RAI14: variants seen among roughly 807,000 people sequenced by gnomAD.
RAI14 encodes ankycorbin.
Under a neutral mutation model 115.4 loss-of-function variants are expected in RAI14, and 45 were observed. The observed-to-expected ratio is 0.39, with a 90% CI of 0.31 to 0.50. RAI14 has a LOEUF of 0.50. Among genes scored for constraint, RAI14 ranks in the 20% least tolerant of loss-of-function variants. The probability of loss-of-function intolerance (pLI) is 0.85; values close to 1 mark genes in which losing one functional copy is unlikely to be tolerated. For missense variants in RAI14, 939 were observed against 1,131.2 expected (o/e 0.83, Z 2.44); for synonymous variants, 371 against 415.4 (o/e 0.89, Z 1.30).
intron 2 of RAI14, among the ~76,000 whole-genome samples, chr5:34,735,211 G>T (rs917881901): frequency 3.3e-5 from 5 of 152,146 alleles, no homozygotes; most frequent in Non-Finnish European, 5.9e-5. Context: ...GAAAAAATGG[G>T]CAGGGTAATT....
chr5:34,745,010 C>T (rs1745985304), intron 2 of RAI14, among the ~76,000 whole-genome samples: 1 of 152,130 alleles, frequency 6.6e-6, no homozygotes, highest in African/African-American at 2.4e-5. Flanking sequence ...GCCTTTGAGT[C>T]TCTCTCTCCT....
At chr5:34,810,551 C>T (rs78725452) in intron 7 of RAI14, among the ~76,000 whole-genome samples, 11,352 of 152,122 alleles carry the variant, frequency 0.075, 596 homozygotes, top group African/African-American at 0.14. Flanking sequence ...CTAAAGGGTA[C>T]ACTTTCGGTA....
chr5:34,730,412 C>T (rs1744026022), intron 2 of RAI14, among the ~76,000 whole-genome samples: 1 of 152,176 alleles, frequency 6.6e-6, no homozygotes, highest in Admixed American at 6.6e-5. Context: ...GATGGTGGCT[C>T]ATGCCTGTAA....
chr5:34,825,500 A>T (rs1213301131), intron 15 of RAI14, among the ~76,000 whole-genome samples: 1 of 152,094 alleles, frequency 6.6e-6, no homozygotes, highest in Non-Finnish European at 1.5e-5. Flanking sequence ...ATACTCCTAG[A>T]CTTAATCCTG....
At chr5:34,734,417 G>T (rs1744598596) in intron 2 of RAI14, among the ~76,000 whole-genome samples, 1 of 152,166 alleles carries the variant, frequency 6.6e-6, no homozygotes, top group Admixed American at 6.5e-5. Context: ...TTCTGAAGGT[G>T]GTAACTTTGT....
chr5:34,764,952 GGGGCAGTTT>G (rs1369190985), intron 3 of RAI14, among the ~76,000 whole-genome samples: 2 of 152,064 alleles, frequency 1.3e-5, no homozygotes, highest in Non-Finnish European at 2.9e-5. Flanking sequence ...TTGAATCCTG[GGGGCAGTTT>G]CCCCCATACT....
At chr5:34,821,275 C>T (rs1446226476) in intron 13 of RAI14, among the ~76,000 whole-genome samples, 1 of 152,050 alleles carries the variant, frequency 6.6e-6, no homozygotes. Flanking sequence ...AAGAGAGAGG[C>T]AGAGATTTGT....
At chr5:34,775,646 C>T (rs768761958) in intron 3 of RAI14, among the ~76,000 whole-genome samples, 8 of 152,072 alleles carry the variant, frequency 5.3e-5, no homozygotes, top group Non-Finnish European at 8.8e-5. Context: ...AACAGGTGTA[C>T]GAAAACATGC....
intron 3 of RAI14, among the ~76,000 whole-genome samples, chr5:34,759,939 C>A (rs377178667): frequency 2.6e-5 from 4 of 152,120 alleles, no homozygotes; most frequent in African/African-American, 7.2e-5. Context: ...AGTCACCTAC[C>A]CTGCTCGTCC....
chr5:34,771,143 T>C (rs1003435149), intron 3 of RAI14, among the ~76,000 whole-genome samples: 8 of 152,200 alleles, frequency 5.3e-5, no homozygotes, highest in Non-Finnish European at 1.0e-4. Context: ...GCAGTGATCT[T>C]TGACACATTT....
At chr5:34,761,301 C>T (rs1306114587) in intron 3 of RAI14, among the ~76,000 whole-genome samples, 1 of 152,206 alleles carries the variant, frequency 6.6e-6, no homozygotes, top group South Asian at 2.1e-4. Context: ...ATCCTCCTGC[C>T]TCAGCCTCTC....
Position 34,824,365 on chromosome 5 carries a change from C to G in RAI14, c.2523C>G (p.Leu841=). Residue 841 remains leucine, a synonymous_variant, in exon 15 of 18, where the codon CTC becomes CTG. Coordinates refer to ENST00000265109, the MANE Select transcript of RAI14 (RefSeq NM_015577.3). ...GAGAAAAGGAAAATATTCAGACTCTCTTGAAATCCAAAGAGCAAGAAGTAA... is the reference window on the plus strand; with the variant it reads ...GAGAAAAGGAAAATATTCAGACTCTGTTGAAATCCAAAGAGCAAGAAGTAA... The part of the protein sequence containing the change: ...VKREKENIQT[L]LKSKEQEVNE... 6.2e-7 allele frequency: 1 copy of G among 1,613,506 alleles called. No individual in the cohort carries two copies. The highest frequency in any genetic ancestry group is 8.5e-7 in the Non-Finnish European group (1 of 1,179,462).
At chr5:34,815,453 C>G (rs773676560) in intron 12 of RAI14, among the ~76,000 whole-genome samples, 1 of 152,000 alleles carries the variant, frequency 6.6e-6, no homozygotes, top group Admixed American at 6.5e-5. Context: ...GTCCCAGCTA[C>G]TCAGGAGGCT....
chr5:34,708,155 A>G (rs903364668), intron 2 of RAI14, among the ~76,000 whole-genome samples: 2 of 152,126 alleles, frequency 1.3e-5, no homozygotes, highest in African/African-American at 2.4e-5. Flanking sequence ...TATACTCTTT[A>G]GAACCACATT....
intron 3 of RAI14, among the ~76,000 whole-genome samples, chr5:34,775,355 A>G (rs1750706838): frequency 6.6e-6 from 1 of 152,186 alleles, no homozygotes; most frequent in South Asian, 2.1e-4. Context: ...TTTGCAAGCT[A>G]CCCATCTGAC....
intron 3 of RAI14, among the ~76,000 whole-genome samples, chr5:34,794,282 G>A (rs1753254002): frequency 6.6e-6 from 1 of 152,064 alleles, no homozygotes; most frequent in Non-Finnish European, 1.5e-5. Context: ...AATCAACTGG[G>A]TGTGGTGGCA....
chr5:34,746,095 C>CT lies in RAI14; in HGVS notation c.37-11373_37-11372insT, dbSNP rs374767705. ...CTCCCCTTATACACCACCCCCTCCC[C>CT]CCCCCGCCTTTTTTTTTTTTGTTTT... On this transcript the variant is annotated intron_variant, in intron 2 of 17. Coordinates refer to ENST00000265109, the MANE Select transcript of RAI14 (RefSeq NM_015577.3). 7.5e-5 allele frequency among the ~76,000 whole-genome samples: 10 copies of CT among 133,716 alleles called. 1 individual carries two copies. The South Asian group carries it at 1.4e-3, about 19-fold the overall frequency. The allele number at this position is 133,716 out of a possible 152,430, so 87.7% of individuals were successfully genotyped here.
At chr5:34,776,813 ACCCACC>A (rs1554056232) in intron 3 of RAI14, among the ~76,000 whole-genome samples, 1 of 147,498 alleles carries the variant, frequency 6.8e-6, no homozygotes, top group Non-Finnish European at 1.5e-5. Context: ...TATTAAAAAA[ACCCACC>A]AAAACTCATG....
intron 2 of RAI14, among the ~76,000 whole-genome samples, chr5:34,696,661 G>C (rs760609017): frequency 6.6e-6 from 1 of 152,190 alleles, no homozygotes; most frequent in Non-Finnish European, 1.5e-5. Context: ...TTTGAGACTT[G>C]GATGATAAAG....
Sources: allele counts gnomAD v4.1 joint callset (sites outside exome capture counted in the v4.1 genomes callset), GRCh38; gene constraint gnomAD v4.1.1; transcripts MANE v1.5; gene names NCBI Gene and HGNC (gene_info 2026-07-23, HGNC 2026-07-21).